Variants in JARID2 observed in about 807,000 individuals in gnomAD.
JARID2 encodes protein Jumonji.
In JARID2, 21 loss-of-function variants were observed where a neutral mutation model predicts 125.6. The ratio of observed to expected loss-of-function variants is 0.17; its 90% CI spans 0.12 to 0.24. JARID2 has a LOEUF of 0.24. Among genes scored for constraint, JARID2 ranks in the 10% least tolerant of loss-of-function variants. The pLI, the probability that JARID2 is intolerant of heterozygous loss-of-function variation, is 1.00. For synonymous variants in JARID2, 736 were observed against 661.6 expected, an observed-to-expected ratio of 1.11 and a Z score of -1.73; for missense variants, 1,303 against 1,639.6, an observed-to-expected ratio of 0.79 and a Z score of 3.55.
intron 11 of JARID2, among the ~76,000 whole-genome samples, chr6:15,508,037 C>T (rs35041707): frequency 0.15 from 23,128 of 152,294 alleles, 2,319 homozygotes; most frequent in Non-Finnish European, 0.23. Flanking sequence ...AGCCTTGAGG[C>T]TTGGGGGCTT....
chr6:15,294,337 T>C (rs1340098153), intron 1 of JARID2, among the ~76,000 whole-genome samples: 2 of 152,080 alleles, frequency 1.3e-5, no homozygotes. Flanking sequence ...GGACTATAGG[T>C]GCGTGCCAGC....
intron 12 of JARID2, among the ~76,000 whole-genome samples, chr6:15,509,948 T>C (rs963132946): frequency 6.6e-6 from 1 of 152,204 alleles, no homozygotes; most frequent in African/African-American, 2.4e-5. Context: ...AAACCCTGTA[T>C]TTAAATTACC....
intron 2 of JARID2, among the ~76,000 whole-genome samples, chr6:15,389,113 G>A (rs970487556): frequency 3.3e-5 from 5 of 152,150 alleles, no homozygotes; most frequent in Admixed American, 3.3e-4. Flanking sequence ...TTACATGAAG[G>A]CAGTCCAAGG....
intron 12 of JARID2, among the ~76,000 whole-genome samples, chr6:15,509,785 G>C (rs1307866658): frequency 6.6e-6 from 1 of 152,210 alleles, no homozygotes; most frequent in Non-Finnish European, 1.5e-5. Context: ...ATGGCTTGAC[G>C]TTGAGTCACA....
intron 3 of JARID2, among the ~76,000 whole-genome samples, chr6:15,447,491 A>G (rs1767725467): frequency 6.6e-6 from 1 of 152,200 alleles, no homozygotes; most frequent in African/African-American, 2.4e-5. Context: ...GCCCATCCTG[A>G]CTACATGCAA....
At chr6:15,486,806 C>CT (rs56268949) in intron 5 of JARID2, among the ~76,000 whole-genome samples, 1,423 of 100,488 alleles carry the variant, frequency 0.014, 114 homozygotes, top group African/African-American at 0.045. Context: ...TGAGAATAGA[C>CT]TTTTTTTTTT....
intron 2 of JARID2, among the ~76,000 whole-genome samples, chr6:15,395,903 C>A (rs1765202877): frequency 1.3e-5 from 2 of 151,574 alleles, no homozygotes; most frequent in South Asian, 2.1e-4. Flanking sequence ...GACCTTGTGA[C>A]CTGCCCGCCT....
intron 1 of JARID2, among the ~76,000 whole-genome samples, chr6:15,364,950 C>A (rs1189103911): frequency 6.6e-6 from 1 of 152,048 alleles, no homozygotes; most frequent in African/African-American, 2.4e-5. Flanking sequence ...CTAGTGGCTA[C>A]TGTATTAGAC....
In JARID2 at chr6:15,496,410, G is replaced by A. The variant is rs1424584597; in HGVS notation, c.1185G>A (p.Gly395=). ...KTRKQVLSLG[G]ASKSTGPAVN... is the part of the protein sequence containing the mutation. Reference sequence around the variant, plus strand: ...GCAAACAGGTGCTATCCCTCGGGGGGGCGTCCAAGTCCACTGGGCCCGCCG... The same window carrying A: ...GCAAACAGGTGCTATCCCTCGGGGGAGCGTCCAAGTCCACTGGGCCCGCCG... Residue 395 remains glycine (G), a synonymous_variant, in exon 7 of 18, where the codon GGG becomes GGA. Transcript: ENST00000341776. 1.2e-6 allele frequency: 2 copies of A among 1,613,710 alleles called. No individual in the cohort carries two copies. Among genetic ancestry groups the A allele is most frequent in the Non-Finnish European group, 1.7e-6 (2 of 1,179,928 alleles).
intron 3 of JARID2, among the ~76,000 whole-genome samples, chr6:15,448,985 A>G (rs1219100197): frequency 6.6e-6 from 1 of 151,994 alleles, no homozygotes; most frequent in Non-Finnish European, 1.5e-5. Flanking sequence ...AAAAAAAGAC[A>G]TTTGTAACAG....
intron 2 of JARID2, among the ~76,000 whole-genome samples, chr6:15,403,397 C>G (rs1765517161): frequency 6.6e-6 from 1 of 152,066 alleles, no homozygotes; most frequent in African/African-American, 2.4e-5. Flanking sequence ...GTGGTTCTTA[C>G]TCATTTGGGG....
intron 1 of JARID2, among the ~76,000 whole-genome samples, chr6:15,319,074 T>A (rs794794): frequency 6.6e-6 from 1 of 152,032 alleles, no homozygotes; most frequent in Non-Finnish European, 1.5e-5. Context: ...TGTATTTACA[T>A]AGAAAGTAAG....
intron 1 of JARID2, among the ~76,000 whole-genome samples, chr6:15,296,281 T>C (rs1366761774): frequency 1.3e-5 from 2 of 152,286 alleles, no homozygotes; most frequent in Middle Eastern, 3.4e-3. Context: ...TCTAATAGAA[T>C]CATTTTGGGA....
intron 1 of JARID2, among the ~76,000 whole-genome samples, chr6:15,363,771 A>T (rs1039954478): frequency 6.6e-6 from 1 of 152,196 alleles, no homozygotes; most frequent in Non-Finnish European, 1.5e-5. Flanking sequence ...TTAGTGGGAA[A>T]TGCTTTTTGG....
intron 8 of JARID2, among the ~76,000 whole-genome samples, chr6:15,502,394 T>C (rs527259710): frequency 1.3e-5 from 2 of 152,340 alleles, no homozygotes; most frequent in East Asian, 3.9e-4. Flanking sequence ...GTGGTCCCAG[T>C]TCTGGATTCA....
intron 1 of JARID2, among the ~76,000 whole-genome samples, chr6:15,367,513 G>T (rs2127504174): frequency 6.6e-6 from 1 of 152,230 alleles, no homozygotes; most frequent in East Asian, 1.9e-4. Context: ...AGGAGTCAGT[G>T]TGAGTTACAT....
At position 15,520,346 on chromosome 6, in the gene JARID2, A is replaced by T; in HGVS notation, c.*95A>T. 1.1e-6 allele frequency: 1 copy of T among 913,346 alleles called. No homozygotes were observed. The highest frequency in any genetic ancestry group is 1.6e-6 in the Non-Finnish European group (1 of 637,552). 56.6% of individuals were successfully genotyped at this position (913,346 alleles called of 1,614,324 possible). The stretch of plus-strand genomic sequence containing the variant: ...GCTGTAGGATTCAAGCTGTCTTTGC[A>T]CTAGCTCTAAAGAAGATTTTCTTCT... On this transcript the variant is annotated 3_prime_UTR_variant, in exon 18 of 18. Transcript: ENST00000341776.
At chr6:15,299,456 T>C (rs1461970412) in intron 1 of JARID2, among the ~76,000 whole-genome samples, 2 of 152,160 alleles carry the variant, frequency 1.3e-5, no homozygotes. Flanking sequence ...AGTCCCAGCT[T>C]TTCATCAGGA....
At chr6:15,342,924 T>G (rs1202496604) in intron 1 of JARID2, among the ~76,000 whole-genome samples, 1 of 152,188 alleles carries the variant, frequency 6.6e-6, no homozygotes, top group East Asian at 1.9e-4. Flanking sequence ...TAGTGACGGT[T>G]AGGCCTGGAG....
Sources: allele counts gnomAD v4.1 joint callset (sites outside exome capture counted in the v4.1 genomes callset), GRCh38; gene constraint gnomAD v4.1.1; transcripts MANE v1.5; gene names NCBI Gene and HGNC (gene_info 2026-07-23, HGNC 2026-07-21).